The following MSRB3 variants were observed in gnomAD, a reference collection of about 807,000 sequenced individuals.
The protein encoded by MSRB3 is methionine-R-sulfoxide reductase B3.
In MSRB3, 13 loss-of-function variants were observed where a neutral mutation model predicts 21.0. The observed-to-expected ratio is 0.62, with a 90% CI of 0.40 to 0.98. The LOEUF is 0.98. MSRB3 is among the 50% of genes least tolerant of loss of function. The pLI, the probability that MSRB3 is intolerant of heterozygous loss-of-function variation, is 0.00. For missense variants in MSRB3, 199 were observed against 230.3 expected (o/e 0.86, Z 0.88); for synonymous variants, 87 against 88.6 (o/e 0.98, Z 0.10).
chr12:65,382,907 T>C (rs979732019), intron 5 of MSRB3, among the ~76,000 whole-genome samples: 2 of 152,042 alleles, frequency 1.3e-5, no homozygotes, highest in African/African-American at 4.8e-5. Context: ...TATATGTGAA[T>C]AAAAATTTCC....
intron 4 of MSRB3, 74 bp from the exon 5 acceptor site, chr12:65,368,924 C>CA: frequency 3.6e-4 from 3 of 8,448 alleles, no homozygotes; most frequent in Admixed American, 2.6e-3. Context: ...CCCAACCACA[C>CA]CCCCCCCCCC....
chr12:65,418,663 TAACC>T, intron 5 of MSRB3: 2 of 629,848 alleles, frequency 3.2e-6, no homozygotes, highest in Non-Finnish European at 5.6e-6. Flanking sequence ...TTTTTTTTTT[TAACC>T]TCTGAACTTT....
At chr12:65,308,300 G>A (rs1264283222) in intron 1 of MSRB3, among the ~76,000 whole-genome samples, 3 of 152,070 alleles carry the variant, frequency 2.0e-5, no homozygotes, top group Non-Finnish European at 4.4e-5. Context: ...TGTAAACTGT[G>A]TTCACAGATT....
rs150075963 is a variant in MSRB3, at chr12:65,423,892, G to A, written c.293-29836G>A. On this transcript the variant is annotated intron_variant, in intron 5 of 6. Coordinates refer to ENST00000308259, the MANE Select transcript of MSRB3 (RefSeq NM_001031679.3). ...TTCCCATCTCTTCAATTCTTTGGAAGAGTTTGAGAAGGATTGTTATTAGTA... is the reference window on the plus strand; with the variant it reads ...TTCCCATCTCTTCAATTCTTTGGAAAAGTTTGAGAAGGATTGTTATTAGTA... 3.3e-3 allele frequency among the ~76,000 whole-genome samples: 506 copies of A among 152,254 alleles called. 5 individuals are homozygous for A. The highest frequency in any genetic ancestry group is 0.011 in the African/African-American group (470 of 41,550).
intron 5 of MSRB3, among the ~76,000 whole-genome samples, chr12:65,440,363 A>C (rs908507552): frequency 1.3e-5 from 2 of 151,890 alleles, no homozygotes; most frequent in Non-Finnish European, 2.9e-5. Flanking sequence ...ATATAGAAGA[A>C]TAATTATAAT....
intron 1 of MSRB3, among the ~76,000 whole-genome samples, chr12:65,292,751 A>T (rs1872734481): frequency 6.6e-6 from 1 of 152,150 alleles, no homozygotes; most frequent in Admixed American, 6.5e-5. Flanking sequence ...AGTGTAGCTC[A>T]TTGAAGATTG....
chr12:65,282,653 T>G (rs892480785), intron 1 of MSRB3, among the ~76,000 whole-genome samples: 1 of 151,600 alleles, frequency 6.6e-6, no homozygotes. Context: ...TCTAGTTTGC[T>G]TCACTGTTTT....
At chr12:65,303,317 A>G (rs1240532135) in intron 1 of MSRB3, among the ~76,000 whole-genome samples, 1 of 152,206 alleles carries the variant, frequency 6.6e-6, no homozygotes, top group Admixed American at 6.5e-5. Flanking sequence ...GGGAAAAAAG[A>G]TAAAACAAAA....
chr12:65,444,846 A>G (rs1265305835), intron 5 of MSRB3, among the ~76,000 whole-genome samples: 1 of 152,108 alleles, frequency 6.6e-6, no homozygotes, highest in Non-Finnish European at 1.5e-5. Context: ...ATTTCTGGAA[A>G]TGCTCTTTTC....
At chr12:65,319,659 C>A (rs1174235706) in intron 2 of MSRB3, among the ~76,000 whole-genome samples, 1 of 152,070 alleles carries the variant, frequency 6.6e-6, no homozygotes, top group African/African-American at 2.4e-5. Context: ...CATCACAGTT[C>A]TTGATTCACT....
intron 2 of MSRB3, among the ~76,000 whole-genome samples, chr12:65,321,503 G>A (rs182562143): frequency 6.6e-6 from 1 of 152,216 alleles, no homozygotes; most frequent in East Asian, 1.9e-4. Context: ...TAGACTGTAT[G>A]TTAATCTCAG....
chr12:65,459,613 C>T lies in MSRB3; in HGVS notation c.391-3542C>T, dbSNP rs540640871. On this transcript the variant is annotated intron_variant, in intron 6 of 6. Coordinates refer to ENST00000308259, the MANE Select transcript of MSRB3 (RefSeq NM_001031679.3). ...AATTGCTTTTCTTCTTAAAACTTTTCCCATCCTGCCCCATGTGTCCAAGTG... is the reference window on the plus strand; with the variant it reads ...AATTGCTTTTCTTCTTAAAACTTTTTCCATCCTGCCCCATGTGTCCAAGTG... Among the ~76,000 whole-genome samples the T allele has an allele frequency of 5.3e-5, 8 of 152,308 alleles. No individual in the cohort carries two copies. The South Asian group carries it at 1.7e-3, about 32-fold the overall frequency.
chr12:65,375,413 T>C (rs970032328), intron 5 of MSRB3, among the ~76,000 whole-genome samples: 1 of 152,156 alleles, frequency 6.6e-6, no homozygotes, highest in African/African-American at 2.4e-5. Flanking sequence ...GGAGCTTTAG[T>C]TGAGTCCTAG....
chr12:65,363,396 A>G (rs1372800803), intron 4 of MSRB3, among the ~76,000 whole-genome samples: 2 of 152,196 alleles, frequency 1.3e-5, no homozygotes, highest in African/African-American at 2.4e-5. Flanking sequence ...AAATTTGTCC[A>G]GGAGTATACA....
chr12:65,446,240 A>C (rs1339719617), intron 5 of MSRB3, among the ~76,000 whole-genome samples: 1 of 152,234 alleles, frequency 6.6e-6, no homozygotes, highest in African/African-American at 2.4e-5. Flanking sequence ...ATTCCTTTCC[A>C]CTTAAGTAGG....
intron 5 of MSRB3, among the ~76,000 whole-genome samples, chr12:65,410,937 A>T (rs954311265): frequency 2.6e-5 from 4 of 152,190 alleles, no homozygotes; most frequent in Non-Finnish European, 4.4e-5. Flanking sequence ...TGGCCTTTTC[A>T]CATGTACCTT....
intron 4 of MSRB3, among the ~76,000 whole-genome samples, chr12:65,366,361 G>T (rs1028094908): frequency 6.6e-6 from 1 of 152,174 alleles, no homozygotes; most frequent in African/African-American, 2.4e-5. Flanking sequence ...GCCCATGTAG[G>T]TCAGAGTAGC....
intron 4 of MSRB3, among the ~76,000 whole-genome samples, chr12:65,346,508 G>C (rs937716905): frequency 5.3e-5 from 8 of 151,962 alleles, no homozygotes; most frequent in African/African-American, 1.9e-4. Flanking sequence ...TGAGTAGATT[G>C]CAAAAATTTT....
intron 5 of MSRB3, among the ~76,000 whole-genome samples, chr12:65,388,364 G>A (rs1321944384): frequency 6.6e-6 from 1 of 152,070 alleles, no homozygotes; most frequent in African/African-American, 2.4e-5. Context: ...CCCTGGCAGT[G>A]AGGGGAACAG....
Sources: gnomAD v4.1 joint callset for allele counts (sites outside exome capture counted in the v4.1 genomes callset) on GRCh38, gnomAD v4.1.1 for gene constraint, MANE v1.5 for transcripts, NCBI Gene and HGNC (gene_info 2026-07-23, HGNC 2026-07-21) for gene names.